GRID1: variants seen among roughly 807,000 people sequenced by gnomAD.
The protein encoded by GRID1 is glutamate receptor ionotropic, delta-1.
Under a neutral mutation model 98.0 loss-of-function variants are expected in GRID1, and 28 were observed. That is an observed-to-expected ratio of 0.29 (90% CI 0.21 to 0.39). The LOEUF (loss-of-function observed/expected upper bound fraction) is 0.39, where lower values mean the gene tolerates loss of function less well. Ranked by LOEUF, GRID1 falls within the 10% of genes least tolerant of loss-of-function variation. GRID1 has a pLI of 1.00. For missense variants in GRID1, 1,111 were observed against 1,340.5 expected (o/e 0.83, Z 2.67); for synonymous variants, 553 against 538.5 (o/e 1.03, Z -0.37).
rs1330724907 is a variant in GRID1 at position 85,854,485 on chromosome 10, C to T, written c.1233+11G>A. 6.2e-7 allele frequency: 1 copy of T among 1,613,460 alleles called. No individual in the cohort carries two copies. The highest frequency in any genetic ancestry group is 1.7e-5 in the Admixed American group (1 of 60,000). On this transcript the variant is annotated intron_variant, in intron 8 of 15. Transcript: ENST00000327946. ...GCAGGAAGATTGGAAGACAGGGAGCCTGAGGCTTACCTTGCGCATGTCTTT... is the reference window on the plus strand; with the variant it reads ...GCAGGAAGATTGGAAGACAGGGAGCTTGAGGCTTACCTTGCGCATGTCTTT...
intron 12 of GRID1, among the ~76,000 whole-genome samples, chr10:85,687,171 C>A (rs894138091): frequency 6.6e-6 from 1 of 151,930 alleles, no homozygotes; most frequent in Non-Finnish European, 1.5e-5. Flanking sequence ...ACCAATATTT[C>A]TTGTAATAAA....
intron 8 of GRID1, among the ~76,000 whole-genome samples, chr10:85,804,431 A>C (rs1842604155): frequency 6.6e-6 from 1 of 151,902 alleles, no homozygotes; most frequent in African/African-American, 2.4e-5. Context: ...GCTTTACACA[A>C]CCATATGGGA....
At chr10:85,917,212 G>A (rs1841632902) in intron 4 of GRID1, among the ~76,000 whole-genome samples, 1 of 152,130 alleles carries the variant, frequency 6.6e-6, no homozygotes. Context: ...TGGGCACTGA[G>A]CCAGGCTGAC....
chr10:86,174,688 A>G (rs12357658), intron 3 of GRID1, among the ~76,000 whole-genome samples: 5,889 of 149,762 alleles, frequency 0.039, 134 homozygotes, highest in Non-Finnish European at 0.052. Context: ...ACAAACTACC[A>G]TCAGAGTGAA....
intron 2 of GRID1, among the ~76,000 whole-genome samples, chr10:86,330,162 C>G (rs1280927063): frequency 6.6e-6 from 1 of 152,082 alleles, no homozygotes; most frequent in Non-Finnish European, 1.5e-5. Context: ...ATCCCCAGCC[C>G]CGGGGAGGGC....
At chr10:85,812,155 G>A (rs1276941694) in intron 8 of GRID1, among the ~76,000 whole-genome samples, 1 of 152,094 alleles carries the variant, frequency 6.6e-6, no homozygotes, top group African/African-American at 2.4e-5. Flanking sequence ...AAAAACTACA[G>A]GAATGATTCA....
chr10:85,746,259 GGTACGA>G (rs1841995628), intron 8 of GRID1, among the ~76,000 whole-genome samples: 2 of 152,224 alleles, frequency 1.3e-5, no homozygotes, highest in South Asian at 4.1e-4. Context: ...TGGCCTAAAT[GGTACGA>G]GTCTTTGGGG....
At chr10:85,736,187 G>A (rs372285858) in intron 8 of GRID1, among the ~76,000 whole-genome samples, 117 of 142,888 alleles carry the variant, frequency 8.2e-4, no homozygotes, top group African/African-American at 2.6e-3. Flanking sequence ...AAGGAAGGAA[G>A]GAGGGAAGGA....
At chr10:85,819,604 C>T (rs1387450614) in intron 8 of GRID1, among the ~76,000 whole-genome samples, 2 of 152,042 alleles carry the variant, frequency 1.3e-5, no homozygotes, top group Non-Finnish European at 2.9e-5. Context: ...TCATAACCTC[C>T]GTCTAATCAT....
At chr10:85,831,044 C>G (rs187421246) in intron 8 of GRID1, among the ~76,000 whole-genome samples, 64 of 152,028 alleles carry the variant, frequency 4.2e-4, no homozygotes, top group African/African-American at 1.5e-3. Flanking sequence ...CAATGGCAGA[C>G]ATGAAGTCAA....
chr10:85,678,249 C>T (rs80114955), intron 12 of GRID1, among the ~76,000 whole-genome samples: 1 of 152,084 alleles, frequency 6.6e-6, no homozygotes, highest in African/African-American at 2.4e-5. Flanking sequence ...GACAAGGTGC[C>T]CCAGGAGAAA....
intron 4 of GRID1, among the ~76,000 whole-genome samples, chr10:86,125,342 A>G (rs1298088426): frequency 6.6e-6 from 1 of 152,200 alleles, no homozygotes; most frequent in Non-Finnish European, 1.5e-5. Context: ...AAAAAGCTAT[A>G]AGACCCACGA....
intron 5 of GRID1, among the ~76,000 whole-genome samples, chr10:85,895,127 C>A (rs1403498671): frequency 1.3e-5 from 2 of 151,186 alleles, no homozygotes; most frequent in African/African-American, 2.4e-5. Context: ...TTTGCACTAA[C>A]CGTTGGTCCT....
chr10:86,322,468 G>A (rs1010148554), intron 2 of GRID1, among the ~76,000 whole-genome samples: 1 of 152,126 alleles, frequency 6.6e-6, no homozygotes, highest in Non-Finnish European at 1.5e-5. Flanking sequence ...CTGGAGTGCA[G>A]TGGCATGATC....
chr10:86,299,440 C>T (rs1024242717), intron 2 of GRID1, among the ~76,000 whole-genome samples: 3 of 151,300 alleles, frequency 2.0e-5, no homozygotes, highest in Non-Finnish European at 2.9e-5. Flanking sequence ...CCCATTAACT[C>T]GTCATTTACA....
At chr10:86,164,790 C>T (rs1845374611) in intron 3 of GRID1, among the ~76,000 whole-genome samples, 2 of 152,220 alleles carry the variant, frequency 1.3e-5, no homozygotes, top group Middle Eastern at 3.4e-3. Flanking sequence ...GCCATTCCCT[C>T]CAATGTAGTC....
chr10:85,781,601 A>G (rs1218083761), intron 8 of GRID1, among the ~76,000 whole-genome samples: 1 of 152,176 alleles, frequency 6.6e-6, no homozygotes, highest in Non-Finnish European at 1.5e-5. Context: ...CTGAGGGTCA[A>G]ACTTTCAGAC....
chr10:86,284,792 G>A (rs1564728527), intron 2 of GRID1, among the ~76,000 whole-genome samples: 1 of 152,252 alleles, frequency 6.6e-6, no homozygotes, highest in South Asian at 2.1e-4. Context: ...CAGAGTCTGA[G>A]GACGGGGCAT....
At chr10:85,838,336 G>T (rs1463512201) in intron 8 of GRID1, among the ~76,000 whole-genome samples, 3 of 152,036 alleles carry the variant, frequency 2.0e-5, no homozygotes, top group African/African-American at 4.8e-5. Flanking sequence ...TTCACAAGAA[G>T]ATCATCCCCA....
Sources: allele counts gnomAD v4.1 joint callset (sites outside exome capture counted in the v4.1 genomes callset), GRCh38; gene constraint gnomAD v4.1.1; transcripts MANE v1.5; gene names NCBI Gene and HGNC (gene_info 2026-07-23, HGNC 2026-07-21).